The following KCNIP4 variants were observed in gnomAD, a reference collection of about 807,000 sequenced individuals.
The protein encoded by KCNIP4 is Kv channel-interacting protein 4.
In KCNIP4, 12 loss-of-function variants were observed where a neutral mutation model predicts 34.0. The ratio of observed to expected loss-of-function variants is 0.35; its 90% CI spans 0.23 to 0.57. KCNIP4 has a LOEUF of 0.57. KCNIP4 is among the 20% of genes least tolerant of loss of function. The pLI is 0.83. For synonymous variants in KCNIP4, 124 were observed against 102.2 expected (o/e 1.21, Z -1.29); for missense variants, 238 against 311.7 (o/e 0.76, Z 1.78).
At chr4:20,802,296 A>T (rs972157162) in intron 3 of KCNIP4, among the ~76,000 whole-genome samples, 5 of 148,594 alleles carry the variant, frequency 3.4e-5, no homozygotes, top group African/African-American at 1.2e-4. Flanking sequence ...TGCAATATAT[A>T]TATGCAATAT....
intron 1 of KCNIP4, among the ~76,000 whole-genome samples, chr4:21,148,938 G>T (rs1173118423): frequency 1.3e-5 from 2 of 152,150 alleles, no homozygotes; most frequent in African/African-American, 2.4e-5. Flanking sequence ...AATTAAATTG[G>T]CTTTGAGTAT....
At chr4:21,841,453 A>G (rs1319613490) in intron 1 of KCNIP4, among the ~76,000 whole-genome samples, 1 of 152,194 alleles carries the variant, frequency 6.6e-6, no homozygotes, top group East Asian at 1.9e-4. Context: ...CTTGTGTTGA[A>G]AAAGAATGTG....
intron 1 of KCNIP4, among the ~76,000 whole-genome samples, chr4:21,755,884 T>C (rs1047027638): frequency 1.3e-5 from 2 of 152,234 alleles, no homozygotes; most frequent in African/African-American, 4.8e-5. Flanking sequence ...AGGGCAGTAA[T>C]GATCTTTTCT....
chr4:21,108,644 A>C (rs1468933035), intron 1 of KCNIP4, among the ~76,000 whole-genome samples: 1 of 151,744 alleles, frequency 6.6e-6, no homozygotes, highest in Non-Finnish European at 1.5e-5. Flanking sequence ...CTGGTGAGGA[A>C]CTGCGTTCCT....
At chr4:20,780,097 A>G (rs949867447) in intron 3 of KCNIP4, among the ~76,000 whole-genome samples, 9 of 152,212 alleles carry the variant, frequency 5.9e-5, no homozygotes, top group South Asian at 2.1e-4. Flanking sequence ...AATCAACCAT[A>G]TAGTGCAGAT....
intron 1 of KCNIP4, among the ~76,000 whole-genome samples, chr4:20,960,216 A>G (rs1733716187): frequency 2.6e-5 from 4 of 152,200 alleles, no homozygotes; most frequent in Admixed American, 2.0e-4. Context: ...AGTGTCTTCA[A>G]TAAGCCTCCC....
intron 1 of KCNIP4, among the ~76,000 whole-genome samples, chr4:20,959,641 T>A (rs1225892058): frequency 1.3e-5 from 2 of 152,222 alleles, no homozygotes; most frequent in Non-Finnish European, 2.9e-5. Flanking sequence ...AAACAGTTAG[T>A]TGCTCTATCT....
chr4:21,757,239 GAAAGAAAGAAAAGAAAAGAAAAGA>G (rs1717695324), intron 1 of KCNIP4, among the ~76,000 whole-genome samples: 1 of 24,616 alleles, frequency 4.1e-5, no homozygotes, highest in African/African-American at 2.8e-4. Context: ...AAGAAAGAAA[GAAAGAAAGAAAAGAAAAGAAAAGA>G]AAAGAAAAGA....
chr4:21,300,001 T>C (rs1055190834), intron 1 of KCNIP4, among the ~76,000 whole-genome samples: 1 of 152,196 alleles, frequency 6.6e-6, no homozygotes, highest in East Asian at 1.9e-4. Flanking sequence ...TTGATTTCTT[T>C]TTGTCTTTTT....
At chr4:21,830,083 G>T (rs1391399604) in intron 1 of KCNIP4, among the ~76,000 whole-genome samples, 1 of 152,120 alleles carries the variant, frequency 6.6e-6, no homozygotes, top group Non-Finnish European at 1.5e-5. Context: ...TTAAGTACAT[G>T]CAGCCTACCT....
chr4:21,453,743 G>A (rs1728699942), intron 1 of KCNIP4, among the ~76,000 whole-genome samples: 1 of 152,082 alleles, frequency 6.6e-6, no homozygotes, highest in Non-Finnish European at 1.5e-5. Flanking sequence ...TTGATTTTCT[G>A]GTGGCAAGTT....
chr4:21,785,662 C>T (rs1440142717), intron 1 of KCNIP4, among the ~76,000 whole-genome samples: 1 of 151,750 alleles, frequency 6.6e-6, no homozygotes, highest in Non-Finnish European at 1.5e-5. Context: ...CTCCCTTTAC[C>T]CAGCCCTAAG....
intron 1 of KCNIP4, among the ~76,000 whole-genome samples, chr4:21,772,566 TG>T (rs1446077289): frequency 6.6e-6 from 1 of 152,174 alleles, no homozygotes; most frequent in Non-Finnish European, 1.5e-5. Flanking sequence ...GGCTTTTATT[TG>T]GTTGGTAGGC....
Position 21,477,656 on chromosome 4 carries a change from C to T in KCNIP4, c.61+470915G>A, listed in dbSNP as rs1032443044. On this transcript the variant is annotated intron_variant, in intron 1 of 8. Transcript: ENST00000382152. Reference sequence around the variant, plus strand: ...GAGAGCAATAAATGAAGATGTGCTACTTGAAAAATCATTATGCTAGTTCTC... The same window carrying T: ...GAGAGCAATAAATGAAGATGTGCTATTTGAAAAATCATTATGCTAGTTCTC... Among the ~76,000 whole-genome samples, 11 of 152,176 alleles carry T rather than the reference C, an allele frequency of 7.2e-5. 1 individual carries two copies. Among genetic ancestry groups the T allele is most frequent in the African/African-American group, 2.7e-4 (11 of 41,452 alleles).
intron 1 of KCNIP4, among the ~76,000 whole-genome samples, chr4:21,559,250 C>A (rs1053070218): frequency 6.6e-6 from 1 of 152,178 alleles, no homozygotes; most frequent in African/African-American, 2.4e-5. Flanking sequence ...ATAATTATCA[C>A]CTCTCTGTCG....
chr4:21,637,724 A>C (rs763579959), intron 1 of KCNIP4, among the ~76,000 whole-genome samples: 1 of 149,016 alleles, frequency 6.7e-6, no homozygotes, highest in Non-Finnish European at 1.5e-5. Context: ...TGGAGGTTGC[A>C]GTGAGCCAAG....
intron 3 of KCNIP4, among the ~76,000 whole-genome samples, chr4:20,763,968 G>A (rs1284093859): frequency 6.6e-6 from 1 of 152,152 alleles, no homozygotes; most frequent in African/African-American, 2.4e-5. Context: ...GTACAATGAA[G>A]CTTAAATGTT....
At chr4:21,153,980 G>GT (rs1752956672) in intron 1 of KCNIP4, among the ~76,000 whole-genome samples, 1 of 148,352 alleles carries the variant, frequency 6.7e-6, no homozygotes, top group Non-Finnish European at 1.5e-5. Context: ...CCAGTTAGTA[G>GT]TTAAAAAAAA....
At chr4:20,752,055 GTTT>G (rs33912651) in intron 4 of KCNIP4, among the ~76,000 whole-genome samples, 1 of 121,672 alleles carries the variant, frequency 8.2e-6, no homozygotes, top group Non-Finnish European at 1.7e-5. Context: ...ACTTCATAGA[GTTT>G]TTTTTTTTTT....
Sources: allele counts gnomAD v4.1 joint callset (sites outside exome capture counted in the v4.1 genomes callset), GRCh38; gene constraint gnomAD v4.1.1; transcripts MANE v1.5; gene names NCBI Gene and HGNC (gene_info 2026-07-23, HGNC 2026-07-21).